CACNA2D3: variants seen among roughly 807,000 people sequenced by gnomAD.
CACNA2D3 encodes the protein calcium voltage-gated channel auxiliary subunit alpha2delta 3, also known as voltage-dependent calcium channel subunit alpha-2/delta-3.
Under a neutral mutation model 160.6 loss-of-function variants are expected in CACNA2D3, and 60 were observed. The observed-to-expected ratio is 0.37, with a 90% CI of 0.30 to 0.46. The LOEUF is 0.46. Among genes scored for constraint, CACNA2D3 ranks in the 20% least tolerant of loss-of-function variants. CACNA2D3 has a pLI of 1.00. For missense variants in CACNA2D3, 1,205 were observed against 1,365.0 expected (o/e 0.88, Z 1.85); for synonymous variants, 558 against 492.9 (o/e 1.13, Z -1.75).
chr3:54,179,046 T>A (rs1700729762), intron 2 of CACNA2D3, among the ~76,000 whole-genome samples: 1 of 152,096 alleles, frequency 6.6e-6, no homozygotes, highest in Admixed American at 6.6e-5. Context: ...ACCGTCAACC[T>A]TTTTGGGAGG....
intron 31 of CACNA2D3, among the ~76,000 whole-genome samples, chr3:54,994,755 G>T (rs568658637): frequency 6.6e-6 from 1 of 152,166 alleles, no homozygotes; most frequent in Admixed American, 6.5e-5. Context: ...GACTAGAAGT[G>T]GAGGCTCCCA....
chr3:54,682,610 CAAAAA>C (rs1373131872), intron 11 of CACNA2D3, among the ~76,000 whole-genome samples: 1 of 150,652 alleles, frequency 6.6e-6, no homozygotes, highest in Admixed American at 6.6e-5. Flanking sequence ...AACTCTGACT[CAAAAA>C]AGAAAAAAGA....
intron 17 of CACNA2D3, among the ~76,000 whole-genome samples, chr3:54,857,576 C>T (rs1699200538): frequency 1.3e-5 from 2 of 152,174 alleles, no homozygotes; most frequent in African/African-American, 4.8e-5. Context: ...ATGCCTGCAC[C>T]CTGTTGGCTG....
chr3:54,861,584 C>A (rs1699292225), intron 17 of CACNA2D3, among the ~76,000 whole-genome samples: 2 of 152,148 alleles, frequency 1.3e-5, no homozygotes, highest in East Asian at 3.8e-4. Flanking sequence ...TCTGGCTGGA[C>A]CCTGGAGAAT....
At chr3:54,346,765 A>G (rs1698465790) in intron 3 of CACNA2D3, among the ~76,000 whole-genome samples, 1 of 152,188 alleles carries the variant, frequency 6.6e-6, no homozygotes, top group African/African-American at 2.4e-5. Context: ...ACAAGTGTGT[A>G]ATGTCCTGTA....
chr3:54,556,442 C>G (rs372931527), intron 5 of CACNA2D3, among the ~76,000 whole-genome samples: 2 of 152,018 alleles, frequency 1.3e-5, no homozygotes, highest in African/African-American at 4.8e-5. Flanking sequence ...ATGGAACACA[C>G]TCTCTTAGAA....
intron 13 of CACNA2D3, among the ~76,000 whole-genome samples, chr3:54,809,014 C>T (rs1320687424): frequency 6.6e-6 from 1 of 152,164 alleles, no homozygotes; most frequent in African/African-American, 2.4e-5. Flanking sequence ...GTTTAATCCT[C>T]ACATTAATCT....
intron 3 of CACNA2D3, among the ~76,000 whole-genome samples, chr3:54,324,670 T>G (rs1197564167): frequency 6.6e-6 from 1 of 152,152 alleles, no homozygotes; most frequent in Non-Finnish European, 1.5e-5. Context: ...TCTCTCACCT[T>G]CATTGTTCAG....
chr3:54,781,255 G>A (rs1214993971), intron 13 of CACNA2D3, among the ~76,000 whole-genome samples: 1 of 152,220 alleles, frequency 6.6e-6, no homozygotes, highest in African/African-American at 2.4e-5. Context: ...TGCTATATTA[G>A]CAGAGCCAGA....
chr3:54,246,547 G>C (rs1702082091), intron 2 of CACNA2D3, among the ~76,000 whole-genome samples: 1 of 150,566 alleles, frequency 6.6e-6, no homozygotes, highest in Non-Finnish European at 1.5e-5. Context: ...ACAAAAATTA[G>C]CCGGGCGTGG....
chr3:54,472,706 A>T (rs1225194710), intron 4 of CACNA2D3, among the ~76,000 whole-genome samples: 1 of 152,224 alleles, frequency 6.6e-6, no homozygotes, highest in Non-Finnish European at 1.5e-5. Flanking sequence ...TACAAAATCA[A>T]TGTGCAAAAA....
chr3:54,350,982 G>GTTTTTTTTTT (rs1491034355), intron 3 of CACNA2D3, among the ~76,000 whole-genome samples: 2 of 61,800 alleles, frequency 3.2e-5, no homozygotes, highest in African/African-American at 1.3e-4. Context: ...TTTTTTTTTT[G>GTTTTTTTTTT]TTTGTTTTTT....
At chr3:54,766,140 CA>C (rs374584026) in intron 13 of CACNA2D3, among the ~76,000 whole-genome samples, 5 of 150,634 alleles carry the variant, frequency 3.3e-5, no homozygotes, top group Non-Finnish European at 5.9e-5. Flanking sequence ...TTATCAACAA[CA>C]AAAAAAAACT....
chr3:54,755,462 C>T (rs1701952099), intron 12 of CACNA2D3, among the ~76,000 whole-genome samples: 1 of 152,170 alleles, frequency 6.6e-6, no homozygotes, highest in Admixed American at 6.5e-5. Context: ...TCAATTTCCT[C>T]ATCTACAAAA....
chr3:54,603,878 A>T (rs999172211), intron 9 of CACNA2D3, among the ~76,000 whole-genome samples: 1 of 140,956 alleles, frequency 7.1e-6, no homozygotes, highest in Non-Finnish European at 1.6e-5. Context: ...TGCATGCTTT[A>T]AAAAAAAAAA....
chr3:54,267,479 C>T (rs1186062119), intron 2 of CACNA2D3, among the ~76,000 whole-genome samples: 1 of 152,160 alleles, frequency 6.6e-6, no homozygotes, highest in Non-Finnish European at 1.5e-5. Context: ...GGGTGGTCAT[C>T]AAGTTTCAGA....
chr3:54,482,281 C>T (rs1284003510), intron 4 of CACNA2D3, among the ~76,000 whole-genome samples: 3 of 152,144 alleles, frequency 2.0e-5, no homozygotes, highest in African/African-American at 7.2e-5. Context: ...AGGAATGGAA[C>T]TGTGGTGCGT....
chr3:54,289,956 T>A (rs1287155204), intron 2 of CACNA2D3, among the ~76,000 whole-genome samples: 1 of 151,736 alleles, frequency 6.6e-6, no homozygotes, highest in African/African-American at 2.4e-5. Context: ...ATAAAAACCC[T>A]AGAAGAAAAC....
intron 17 of CACNA2D3, among the ~76,000 whole-genome samples, chr3:54,860,397 C>T (rs1699266089): frequency 6.6e-6 from 1 of 152,120 alleles, no homozygotes; most frequent in Non-Finnish European, 1.5e-5. Flanking sequence ...AGCTGCACCC[C>T]AGGAAGAGGA....
Sources: gnomAD v4.1 joint callset for allele counts (sites outside exome capture counted in the v4.1 genomes callset) on GRCh38, gnomAD v4.1.1 for gene constraint, MANE v1.5 for transcripts, NCBI Gene and HGNC (gene_info 2026-07-23, HGNC 2026-07-21) for gene names.